Variants in VAMP1 observed in about 807,000 individuals in gnomAD.
VAMP1 encodes vesicle-associated membrane protein 1.
Under a neutral mutation model 19.1 loss-of-function variants are expected in VAMP1, and 16 were observed. That is an observed-to-expected ratio of 0.84 (90% CI 0.57 to 1.27). VAMP1 has a LOEUF of 1.27. Ranked by LOEUF, VAMP1 falls within the 50% of genes most tolerant of loss-of-function variation. The probability of loss-of-function intolerance (pLI) is 0.00; values close to 1 mark genes in which losing one functional copy is unlikely to be tolerated. For missense variants in VAMP1, 109 were observed against 145.4 expected, an observed-to-expected ratio of 0.75 and a Z score of 1.29; for synonymous variants, 37 against 50.2, an observed-to-expected ratio of 0.74 and a Z score of 1.11.
At chr12:6,465,357 A>AGTGTATATATATATAAATGTATATATAT (rs1949977113) in intron 3 of VAMP1, 6 of 214,354 alleles carry the variant, frequency 2.8e-5, no homozygotes, top group Non-Finnish European at 5.2e-5. Context: ...AAAAGAAAAA[A>AGTGTATATATATATAAATGTATATATAT]GTATATATAT....
intron 2 of VAMP1, 54 bp downstream of exon 2, chr12:6,466,171 T>C (rs1008394041): frequency 6.2e-7 from 1 of 1,613,568 alleles, no homozygotes; most frequent in African/African-American, 1.3e-5. Context: ...AAGTTCCCTT[T>C]TGTTTCCAAA....
At position 6,463,340 on chromosome 12, in the gene VAMP1, T is replaced by C. The variant is rs1028702592; in HGVS notation, c.*1130A>G. 8.7e-7 allele frequency: 1 copy of C among 1,152,850 alleles called. No individual in the cohort carries two copies. Among genetic ancestry groups the C allele is most frequent in the Non-Finnish European group, 1.1e-6 (1 of 930,562 alleles). 71.4% of individuals were successfully genotyped at this position (1,152,850 alleles called of 1,614,324 possible). Reference sequence around the variant, plus strand: ...ACGCCTCCCCCCAAGGTGGGGCTGGTGGGTCTACATGACTTCTCTGCATCC... The same window carrying C: ...ACGCCTCCCCCCAAGGTGGGGCTGGCGGGTCTACATGACTTCTCTGCATCC... On this transcript the variant is annotated 3_prime_UTR_variant, in exon 5 of 5. Transcript: ENST00000396308. The surrounding 1 kb of genome is among the most constrained non-coding windows in gnomAD (Gnocchi z 4.0).
chr12:6,465,466 A>AGTGTGTGT (rs72418260), intron 3 of VAMP1: 42 of 103,428 alleles, frequency 4.1e-4, no homozygotes, highest in East Asian at 2.1e-3. Context: ...GTGTATATAT[A>AGTGTGTGT]GTGTGTGTGT....
rs1385348138 is a variant in VAMP1, at chr12:6,463,548, T to C, written c.*922A>G. ...CTCTTTAACGAGGGCAAGGAGTGGC[T>C]TCCTCTGAGCTTGTTACTTTCAAAT... On this transcript the variant is annotated 3_prime_UTR_variant, in exon 5 of 5. Coordinates refer to ENST00000396308, the MANE Select transcript of VAMP1 (RefSeq NM_014231.5). This position sits in a 1 kb window ranked among gnomAD's most constrained non-coding sequence, Gnocchi z 4.0. 1.7e-5 allele frequency: 18 copies of C among 1,048,956 alleles called. No homozygotes were observed. The highest frequency in any genetic ancestry group is 2.1e-5 in the Non-Finnish European group (18 of 867,370). The allele number at this position is 1,048,956 out of a possible 1,614,324, so 65.0% of individuals were successfully genotyped here. A position where few individuals can be genotyped will look rare whatever the true frequency, so the allele number is the denominator to read the frequency against.
Position 6,464,883 on chromosome 12 carries a change from T to C in VAMP1, c.340+7A>G. 6.2e-7 allele frequency: 1 copy of C among 1,614,080 alleles called. No homozygotes were observed. Among genetic ancestry groups the C allele is most frequent in the Non-Finnish European group, 8.5e-7 (1 of 1,180,002 alleles). On this transcript the variant is annotated splice_region_variant and intron_variant, in intron 4 of 4. Coordinates refer to ENST00000396308, the MANE Select transcript of VAMP1 (RefSeq NM_014231.5). ...TTCACCCCACCAGCAACTTCAGCGA[T>C]ACTTACTTACAATAACTACCACGAT...
At position 6,463,361 on chromosome 12, in the gene VAMP1, C is replaced by T; in HGVS notation, c.*1109G>A. On this transcript the variant is annotated 3_prime_UTR_variant, in exon 5 of 5. Coordinates refer to ENST00000396308, the MANE Select transcript of VAMP1 (RefSeq NM_014231.5). This position sits in a 1 kb window ranked among gnomAD's most constrained non-coding sequence, Gnocchi z 4.0. ...CTGGTGGGTCTACATGACTTCTCTG[C>T]ATCCTGAGGATCGGCCGGGCCCCAG... The T allele has an allele frequency of 9.1e-7, 1 of 1,103,406 alleles. No individual in the cohort carries two copies. Among genetic ancestry groups the T allele is most frequent in the Non-Finnish European group, 1.1e-6 (1 of 901,300 alleles). The allele number at this position is 1,103,406 out of a possible 1,614,324, so 68.4% of individuals were successfully genotyped here. A position where few individuals can be genotyped will look rare whatever the true frequency, so the allele number is the denominator to read the frequency against.
chr12:6,470,469 C>G, intron 1 of VAMP1, 61 bp downstream of exon 1: 1 of 1,612,148 alleles, frequency 6.2e-7, no homozygotes, highest in Non-Finnish European at 8.5e-7. Context: ...CCCGCAGAAT[C>G]GGGAGCTTGG....
At position 6,466,295 on chromosome 12, in the gene VAMP1, C is replaced by T; in HGVS notation, c.59G>A (p.Gly20Asp). ...CATGTTAGGAGGAGGGCCAGGGGGA[C>T]CCCCACCTGGGGCAGTCCCTTCTGT... ...EGTEGTAPGG[G>D]PPGPPPNMTS... Residue 20 changes from glycine (G) to aspartate (D), a missense_variant, in exon 2 of 5, where the codon GGT becomes GAT. Gly to Asp is a moderately conservative substitution (Grantham distance 94, BLOSUM62 -1). Coordinates refer to ENST00000396308, the MANE Select transcript of VAMP1 (RefSeq NM_014231.5). 3 of 1,614,130 alleles carry T rather than the reference C, an allele frequency of 1.9e-6. No homozygotes were observed. The highest frequency in any genetic ancestry group is 2.5e-6 in the Non-Finnish European group (3 of 1,179,972).
In VAMP1 at chr12:6,464,337, G is replaced by C. The variant is rs1949950658; in HGVS notation, c.*133C>G. 1.8e-5 allele frequency: 28 copies of C among 1,550,164 alleles called. No individual in the cohort carries two copies. The highest frequency in any genetic ancestry group is 2.3e-5 in the Non-Finnish European group (26 of 1,146,262). On this transcript the variant is annotated 3_prime_UTR_variant, in exon 5 of 5. Coordinates refer to ENST00000396308, the MANE Select transcript of VAMP1 (RefSeq NM_014231.5). The stretch of plus-strand genomic sequence containing the variant: ...GAGTGCAAATGAACGCAACGAAAAA[G>C]GAGGAATGGGTGATGGAGAAGCCTG...
At position 6,463,457 on chromosome 12, in the gene VAMP1, G is replaced by A. The variant is rs944207769; in HGVS notation, c.*1013C>T. 1.9e-6 allele frequency: 2 copies of A among 1,039,128 alleles called. No individual in the cohort carries two copies. Among genetic ancestry groups the A allele is most frequent in the Non-Finnish European group, 2.3e-6 (2 of 861,434 alleles). The allele number at this position is 1,039,128 out of a possible 1,614,324, so 64.4% of individuals were successfully genotyped here. On this transcript the variant is annotated 3_prime_UTR_variant, in exon 5 of 5. Transcript: ENST00000396308. The surrounding 1 kb of genome is among the most constrained non-coding windows in gnomAD (Gnocchi z 4.0). Reference sequence around the variant, plus strand: ...GTGTGGAGGAAAGGATTCCATGGGTGTCCAAAGATCTCACACTGCTAACAC... The same window carrying A: ...GTGTGGAGGAAAGGATTCCATGGGTATCCAAAGATCTCACACTGCTAACAC...
chr12:6,468,881 C>T (rs1370461113), intron 1 of VAMP1, among the ~76,000 whole-genome samples: 1 of 152,132 alleles, frequency 6.6e-6, no homozygotes, highest in Non-Finnish European at 1.5e-5. Flanking sequence ...ACAGTAAGAA[C>T]TCCTCAAACA....
In VAMP1 at chr12:6,464,157, T is replaced by C; in HGVS notation, c.*313A>G. On this transcript the variant is annotated 3_prime_UTR_variant, in exon 5 of 5. Coordinates refer to ENST00000396308, the MANE Select transcript of VAMP1 (RefSeq NM_014231.5). The stretch of plus-strand genomic sequence containing the variant: ...TTCATGGGTACTTCGCCTCAGCCAC[T>C]CCCCTCCCTGCCCCTTCCCTTGGCC... The C allele has an allele frequency of 7.1e-7, 1 of 1,417,554 alleles. No homozygotes were observed. The highest frequency in any genetic ancestry group is 9.3e-7 in the Non-Finnish European group (1 of 1,071,036). The allele number at this position is 1,417,554 out of a possible 1,614,324, so 87.8% of individuals were successfully genotyped here.
rs113049745 is a variant in VAMP1 at position 6,470,630 on chromosome 12, T to A, written c.-99A>T. On this transcript the variant is annotated 5_prime_UTR_variant, in exon 1 of 5. Coordinates refer to ENST00000396308, the MANE Select transcript of VAMP1 (RefSeq NM_014231.5). Reference sequence around the variant, plus strand: ...GCTGAAGTGGACGGAACTGCCAAGCTCCGCCTCGCGCCGACTACCCCGCGG... The same window carrying A: ...GCTGAAGTGGACGGAACTGCCAAGCACCGCCTCGCGCCGACTACCCCGCGG... 22 of 1,531,356 alleles carry A rather than the reference T, an allele frequency of 1.4e-5. No individual in the cohort carries two copies. Among genetic ancestry groups the A allele is most frequent in the Middle Eastern group, 1.7e-4 (1 of 5,896 alleles). The allele number at this position is 1,531,356 out of a possible 1,614,324, so 94.9% of individuals were successfully genotyped here.
rs780922291 is a variant in VAMP1 at position 6,465,923 on chromosome 12, A to G, written c.207T>C (p.Ala69=). Residue 69 remains alanine, a synonymous_variant, in exon 3 of 5, where the codon GCT becomes GCC. Coordinates refer to ENST00000396308, the MANE Select transcript of VAMP1 (RefSeq NM_014231.5). The stretch of plus-strand genomic sequence containing the variant: ...GTGATGCTCCTGCCTGCAAGGCATC[A>G]GCTCGGTCATCCAGCTCTGACAGCT... ...DQKLSELDDR[A]DALQAGASQF... is the part of the protein sequence containing the mutation. 1 of 1,614,270 alleles carries G rather than the reference A, an allele frequency of 6.2e-7. No individual in the cohort carries two copies. The highest frequency in any genetic ancestry group is 1.1e-5 in the South Asian group (1 of 91,088).
At chr12:6,465,740 A>T (rs551850326) in intron 3 of VAMP1, 102 bp downstream of exon 3, 510 of 1,459,626 alleles carry the variant, frequency 3.5e-4, no homozygotes, top group Non-Finnish European at 2.6e-4. Context: ...GGTCAGAGAG[A>T]TCCTGCACCA....
In VAMP1 at chr12:6,463,581, T is replaced by C. The variant is rs1220578166; in HGVS notation, c.*889A>G. ...AGCTTGTTACTTTCAAATTAAGCAC[T>C]TGACTCACTGTTTCTCTATAACTAA... On this transcript the variant is annotated 3_prime_UTR_variant, in exon 5 of 5. Coordinates refer to ENST00000396308, the MANE Select transcript of VAMP1 (RefSeq NM_014231.5). The surrounding 1 kb of genome is among the most constrained non-coding windows in gnomAD (Gnocchi z 4.0). The C allele has an allele frequency of 1.9e-6, 2 of 1,064,430 alleles. No homozygotes were observed. Among genetic ancestry groups the C allele is most frequent in the African/African-American group, 1.7e-5 (1 of 58,346 alleles). The allele number at this position is 1,064,430 out of a possible 1,614,324, so 65.9% of individuals were successfully genotyped here. A position where few individuals can be genotyped will look rare whatever the true frequency, so the allele number is the denominator to read the frequency against.
At chr12:6,466,503 C>T (rs1262401302) in intron 1 of VAMP1, 152 bp from the exon 2 acceptor site, 3 of 694,618 alleles carry the variant, frequency 4.3e-6, no homozygotes, top group Non-Finnish European at 6.8e-6. Context: ...GGCATCATAG[C>T]GAGACCCCAT....
chr12:6,465,397 T>C (rs1234568898), intron 3 of VAMP1: 11 of 88,854 alleles, frequency 1.2e-4, no homozygotes, highest in African/African-American at 3.8e-4. Context: ...TATATATATA[T>C]ATAAATGTAT....
intron 3 of VAMP1, chr12:6,465,380 ATAT>A (rs2137005434): frequency 1.0e-5 from 1 of 97,772 alleles, no homozygotes; most frequent in African/African-American, 4.0e-5. Context: ...ATAAATGTAT[ATAT>A]ATGTATATAT....
Sources: allele counts gnomAD v4.1 joint callset (sites outside exome capture counted in the v4.1 genomes callset), GRCh38; gene constraint gnomAD v4.1.1; non-coding constraint Gnocchi (gnomAD v3.1); transcripts MANE v1.5; gene names NCBI Gene and HGNC (gene_info 2026-07-23, HGNC 2026-07-21).